KIAA0930: variants seen among roughly 807,000 people sequenced by gnomAD.
KIAA0930 encodes the protein KIAA0930, also known as uncharacterized protein KIAA0930.
In KIAA0930, 24 loss-of-function variants were observed where a neutral mutation model predicts 43.9. That is an observed-to-expected ratio of 0.55 (90% CI 0.40 to 0.77). The LOEUF (loss-of-function observed/expected upper bound fraction) is 0.77, where lower values mean the gene tolerates loss of function less well. Ranked by LOEUF, KIAA0930 falls within the 30% of genes least tolerant of loss-of-function variation. The probability of loss-of-function intolerance (pLI) is 0.00; values close to 1 mark genes in which losing one functional copy is unlikely to be tolerated. For synonymous variants in KIAA0930, 259 were observed against 216.4 expected, an observed-to-expected ratio of 1.20 and a Z score of -1.73; for missense variants, 461 against 574.2, an observed-to-expected ratio of 0.80 and a Z score of 2.02.
intron 1 of KIAA0930, among the ~76,000 whole-genome samples, chr22:45,212,755 G>C (rs570585722): frequency 6.6e-6 from 1 of 152,356 alleles, no homozygotes; most frequent in East Asian, 1.9e-4. Context: ...TCCTGCAAAA[G>C]AGAAAAAGCC....
In KIAA0930 at chr22:45,195,144, T is replaced by C. The variant is rs2083524799; in HGVS notation, c.*2032A>G. ...TCACCCTGTGAGGGGGGCAGCATTT[T>C]TGCCATCTTACAGACGGGGAGCCCA... On this transcript the variant is annotated 3_prime_UTR_variant, in exon 10 of 10. Coordinates refer to ENST00000336156, the MANE Select transcript of KIAA0930 (RefSeq NM_001009880.2). The C allele has an allele frequency of 6.6e-6, 1 of 152,278 alleles. No individual in the cohort carries two copies. Among genetic ancestry groups the C allele is most frequent in the Non-Finnish European group, 1.5e-5 (1 of 68,076 alleles). 9.4% of individuals were successfully genotyped at this position (152,278 alleles called of 1,614,324 possible). A position where few individuals can be genotyped will look rare whatever the true frequency, so the allele number is the denominator to read the frequency against.
intron 5 of KIAA0930, among the ~76,000 whole-genome samples, chr22:45,204,693 C>A (rs888308280): frequency 6.6e-6 from 1 of 151,648 alleles, no homozygotes; most frequent in African/African-American, 2.4e-5. Flanking sequence ...GAGTGAGCTG[C>A]GACCGGCTCC....
At chr22:45,223,620 A>T (rs1051616303) in intron 1 of KIAA0930, among the ~76,000 whole-genome samples, 9 of 146,374 alleles carry the variant, frequency 6.1e-5, no homozygotes, top group Admixed American at 6.7e-5. Context: ...AGCAACTAGG[A>T]TCAGCACCAG....
At chr22:45,230,583 T>A (rs1423642668) in intron 1 of KIAA0930, among the ~76,000 whole-genome samples, 1 of 130,076 alleles carries the variant, frequency 7.7e-6, no homozygotes, top group African/African-American at 4.2e-5. Flanking sequence ...TCACATTCTT[T>A]TTTTTTTTTT....
At chr22:45,222,172 T>C (rs546143174) in intron 1 of KIAA0930, among the ~76,000 whole-genome samples, 1 of 152,124 alleles carries the variant, frequency 6.6e-6, no homozygotes, top group Non-Finnish European at 1.5e-5. Context: ...TCCAAAAAGA[T>C]TAAAACTTTT....
At chr22:45,225,928 G>A (rs1264746528) in intron 1 of KIAA0930, among the ~76,000 whole-genome samples, 9 of 152,256 alleles carry the variant, frequency 5.9e-5, no homozygotes, top group Admixed American at 1.3e-4. Flanking sequence ...GTCAGGGCCA[G>A]GCCAAAGCCC....
In KIAA0930 at chr22:45,205,837, T is replaced by C. The variant is rs949177414; in HGVS notation, c.292A>G (p.Ile98Val). Residue 98 changes from isoleucine (I) to valine (V), a missense_variant, in exon 3 of 10, where the codon ATC (isoleucine) becomes GTC (valine). Physicochemically the swap from Ile to Val is conservative, Grantham distance 29. Transcript: ENST00000336156. Reference protein sequence around the residue: ...KKLPGLGDPDIDWEESVCLNL... With the variant: ...KKLPGLGDPDVDWEESVCLNL... ...AGGCAGACGCTCTCCTCCCAGTCGA[T>C]GTCAGGGTCTCCCAGGCCTGGCAGC... The C allele has an allele frequency of 8.5e-6, 13 of 1,537,240 alleles. No individual in the cohort carries two copies. The highest frequency in any genetic ancestry group is 1.1e-5 in the Non-Finnish European group (13 of 1,136,140).
intron 1 of KIAA0930, among the ~76,000 whole-genome samples, chr22:45,233,526 G>C (rs974899946): frequency 1.3e-5 from 2 of 152,178 alleles, no homozygotes; most frequent in African/African-American, 4.8e-5. Flanking sequence ...GCATCACCTG[G>C]AAAGTGGGAA....
chr22:45,205,693 C>G lies in KIAA0930; in HGVS notation c.351G>C (p.Val117=). The change falls in exon 4 of 10, where the codon GTG becomes GTC. Residue 117 remains valine (V), a synonymous_variant. Transcript: ENST00000336156. ...CAGCACGTGTGCACACCGCACAGGT[C>G]ACCATGTAGTCCAGCTGGAAGAGAG... ...NLILQKLDYM[V]TCAVCTRADG... 6.2e-7 allele frequency: 1 copy of G among 1,614,108 alleles called. No homozygotes were observed. The highest frequency in any genetic ancestry group is 8.5e-7 in the Non-Finnish European group (1 of 1,180,018).
chr22:45,216,891 G>A lies in KIAA0930; in HGVS notation c.65-4784C>T, dbSNP rs1036838042. Among the ~76,000 whole-genome samples the A allele has an allele frequency of 2.6e-5, 4 of 152,088 alleles. No homozygotes were observed. The East Asian group carries it at 5.8e-4, about 22-fold the overall frequency. Reference sequence around the variant, plus strand: ...CTGCCTTCCCTCCCTTCCCTCCCGGGGTCCTATGAAGCCAGATTATAATCC... The same window carrying A: ...CTGCCTTCCCTCCCTTCCCTCCCGGAGTCCTATGAAGCCAGATTATAATCC... On this transcript the variant is annotated intron_variant, in intron 1 of 9. Coordinates refer to ENST00000336156, the MANE Select transcript of KIAA0930 (RefSeq NM_001009880.2).
At chr22:45,198,903 G>A (rs1392533884) in intron 8 of KIAA0930, among the ~76,000 whole-genome samples, 1 of 152,090 alleles carries the variant, frequency 6.6e-6, no homozygotes. Flanking sequence ...CACCCGCCTC[G>A]GTCTCGCTAA....
At chr22:45,216,699 G>A (rs1433248652) in intron 1 of KIAA0930, among the ~76,000 whole-genome samples, 2 of 152,024 alleles carry the variant, frequency 1.3e-5, no homozygotes, top group African/African-American at 2.4e-5. Flanking sequence ...ACAGAGCCTC[G>A]TCGTCTCCAG....
At chr22:45,235,581 A>G (rs2083883636) in intron 1 of KIAA0930, among the ~76,000 whole-genome samples, 1 of 143,536 alleles carries the variant, frequency 7.0e-6, no homozygotes, top group Admixed American at 6.9e-5. Flanking sequence ...GCATTGACTC[A>G]AAGCAGCCCG....
chr22:45,197,043 C>G lies in KIAA0930; in HGVS notation c.*133G>C. On this transcript the variant is annotated 3_prime_UTR_variant, in exon 10 of 10. Coordinates refer to ENST00000336156, the MANE Select transcript of KIAA0930 (RefSeq NM_001009880.2). ...TGGAGTCGGCCCCGGCCCCGGGAGT[C>G]GAGTGGCCTCGCCTGGCTGCGGCTC... 1.4e-6 allele frequency: 1 copy of G among 735,738 alleles called. No individual in the cohort carries two copies. The highest frequency in any genetic ancestry group is 2.1e-6 in the Non-Finnish European group (1 of 468,882). The allele number at this position is 735,738 out of a possible 1,614,324, so 45.6% of individuals were successfully genotyped here.
chr22:45,217,022 C>T (rs1601819457), intron 1 of KIAA0930, among the ~76,000 whole-genome samples: 1 of 152,212 alleles, frequency 6.6e-6, no homozygotes, highest in African/African-American at 2.4e-5. Flanking sequence ...TTTTCAGCAA[C>T]TGATCAATTC....
chr22:45,228,501 C>T (rs973508118), intron 1 of KIAA0930, among the ~76,000 whole-genome samples: 6 of 152,196 alleles, frequency 3.9e-5, no homozygotes, highest in African/African-American at 1.4e-4. Context: ...GCAAGCAGTA[C>T]TACTCTGCAA....
In KIAA0930 at chr22:45,196,913, G is replaced by A; in HGVS notation, c.*263C>T. On this transcript the variant is annotated 3_prime_UTR_variant, in exon 10 of 10. Coordinates refer to ENST00000336156, the MANE Select transcript of KIAA0930 (RefSeq NM_001009880.2). This position sits in a 1 kb window ranked among gnomAD's most constrained non-coding sequence, Gnocchi z 4.1. ...TCGGCATCTCTAGTCCTCTTTGGGTGCAGAGGGCTCTCCAGAGATGGGTGG... is the reference window on the plus strand; with the variant it reads ...TCGGCATCTCTAGTCCTCTTTGGGTACAGAGGGCTCTCCAGAGATGGGTGG... 1 of 460,050 alleles carries A rather than the reference G, an allele frequency of 2.2e-6. No individual in the cohort carries two copies. The highest frequency in any genetic ancestry group is 3.8e-6 in the Non-Finnish European group (1 of 260,098). The allele number at this position is 460,050 out of a possible 1,614,324, so 28.5% of individuals were successfully genotyped here.
chr22:45,204,068 G>T, intron 5 of KIAA0930, 83 bp from the exon 6 acceptor site: 2 of 1,577,974 alleles, frequency 1.3e-6, no homozygotes, highest in Non-Finnish European at 1.7e-6. Flanking sequence ...GGCAGGGAGG[G>T]CTGCTCAGAA....
chr22:45,219,082 A>G (rs186741908), intron 1 of KIAA0930, among the ~76,000 whole-genome samples: 2 of 152,338 alleles, frequency 1.3e-5, no homozygotes, highest in Admixed American at 6.5e-5. Flanking sequence ...CGTGAATCCA[A>G]TCACAATATG....
Sources: gnomAD v4.1 joint callset for allele counts (sites outside exome capture counted in the v4.1 genomes callset) on GRCh38, gnomAD v4.1.1 for gene constraint, Gnocchi (gnomAD v3.1) non-coding constraint, MANE v1.5 for transcripts, NCBI Gene and HGNC (gene_info 2026-07-23, HGNC 2026-07-21) for gene names.